QTRT2: variants seen among roughly 807,000 people sequenced by gnomAD.
The protein encoded by QTRT2 is queuine tRNA-ribosyltransferase domain containing 1.
QTRT2 carries 32 observed loss-of-function variants against 44.8 expected under a neutral mutation model. The observed-to-expected ratio is 0.71, with a 90% CI of 0.54 to 0.96. The LOEUF (loss-of-function observed/expected upper bound fraction) is 0.96, where lower values mean the gene tolerates loss of function less well. QTRT2 is among the 40% of genes least tolerant of loss of function. The pLI is 0.00. For synonymous variants in QTRT2, 182 were observed against 187.4 expected (o/e 0.97, Z 0.24); for missense variants, 461 against 503.1 (o/e 0.92, Z 0.80).
At chr3:114,060,542 AGAT>A (rs1260525718) in intron 2 of QTRT2, among the ~76,000 whole-genome samples, 20 of 146,192 alleles carry the variant, frequency 1.4e-4, no homozygotes, top group Admixed American at 6.7e-4. Context: ...ATAGATAGAT[AGAT>A]AAGATAGATT....
rs1043643401 is a variant in QTRT2 at position 114,086,277 on chromosome 3, A to T, written c.*373A>T. The T allele has an allele frequency of 1.1e-4, 32 of 283,368 alleles. No homozygotes were observed. Among genetic ancestry groups the T allele is most frequent in the Non-Finnish European group, 1.4e-5 (2 of 146,082 alleles). The allele number at this position is 283,368 out of a possible 1,614,324, so 17.6% of individuals were successfully genotyped here. The stretch of plus-strand genomic sequence containing the variant: ...TTGAGGCTTGAGGGGAAATGGTGTG[A>T]GACGAATGGGCTCTGGACATATGCC... On this transcript the variant is annotated 3_prime_UTR_variant, in exon 10 of 10. Coordinates refer to ENST00000281273, the MANE Select transcript of QTRT2 (RefSeq NM_024638.4).
intron 2 of QTRT2, among the ~76,000 whole-genome samples, chr3:114,062,202 C>CA (rs1310439941): frequency 6.6e-6 from 1 of 151,168 alleles, no homozygotes; most frequent in Non-Finnish European, 1.5e-5. Flanking sequence ...TCCATCTCTC[C>CA]AAAAAAAGTT....
At chr3:114,069,760 C>T (rs2077000608) in intron 5 of QTRT2, among the ~76,000 whole-genome samples, 1 of 152,134 alleles carries the variant, frequency 6.6e-6, no homozygotes, top group Non-Finnish European at 1.5e-5. Flanking sequence ...GGTATATGCC[C>T]AGTAACGGGA....
chr3:114,075,864 T>C (rs1341797503), intron 6 of QTRT2, among the ~76,000 whole-genome samples: 1 of 152,210 alleles, frequency 6.6e-6, no homozygotes, highest in Admixed American at 6.5e-5. Flanking sequence ...TAGGAAGGCA[T>C]TCCTTACCCC....
intron 6 of QTRT2, among the ~76,000 whole-genome samples, chr3:114,074,737 T>C (rs189201849): frequency 2.0e-5 from 3 of 152,348 alleles, no homozygotes; most frequent in Admixed American, 6.5e-5. Flanking sequence ...GCAAAACTTA[T>C]TTTTTGCAAT....
At chr3:114,082,948 C>T (rs2077186099) in intron 9 of QTRT2, 154 bp downstream of exon 9, 1 of 619,000 alleles carries the variant, frequency 1.6e-6, no homozygotes, top group Admixed American at 2.5e-5. Context: ...CAAAAAAACT[C>T]TTTATTTTCT....
At chr3:114,068,867 G>C (rs577312474) in intron 5 of QTRT2, among the ~76,000 whole-genome samples, 18 of 152,166 alleles carry the variant, frequency 1.2e-4, no homozygotes, top group Admixed American at 3.9e-4. Flanking sequence ...TGTCCAACAT[G>C]GCAAAACCCC....
chr3:114,064,957 CTTTCA>C (rs924436056), intron 2 of QTRT2, among the ~76,000 whole-genome samples: 2 of 152,030 alleles, frequency 1.3e-5, no homozygotes, highest in Non-Finnish European at 2.9e-5. Flanking sequence ...TAATTCTGTT[CTTTCA>C]TTTGTTTGGT....
At chr3:114,075,504 AT>A (rs34436490) in intron 6 of QTRT2, among the ~76,000 whole-genome samples, 5,756 of 118,702 alleles carry the variant, frequency 0.048, 260 homozygotes, top group African/African-American at 0.17. Flanking sequence ...AGTTTTACTG[AT>A]TTTTTTTTTT....
Position 114,079,934 on chromosome 3 carries a change from G to T in QTRT2, c.775G>T (p.Glu259Ter). ...RLISGVSRPD[E>*]VLECIERGVD... is the part of the protein sequence containing the mutation. The stretch of plus-strand genomic sequence containing the variant: ...CATATCTGGTGTTAGTCGGCCAGAT[G>T]AGGTGCTCGAGTGTATTGAAAGAGG... The change falls in exon 8 of 10, where the codon GAG (glutamate) becomes TAG (stop). Residue 259 changes from glutamate (E) to a stop codon, truncating the protein, a stop_gained. Transcript: ENST00000281273. LOFTEE classifies it high-confidence loss of function. The T allele has an allele frequency of 6.2e-7, 1 of 1,613,804 alleles. No individual in the cohort carries two copies. The highest frequency in any genetic ancestry group is 1.1e-5 in the South Asian group (1 of 91,050).
chr3:114,082,618 T>A, intron 8 of QTRT2, 59 bp from the exon 9 acceptor site: 1 of 617,084 alleles, frequency 1.6e-6, no homozygotes, highest in South Asian at 2.5e-5. Flanking sequence ...ATAAAATGTT[T>A]CCAATGGCCA....
At chr3:114,075,450 G>A (rs982927930) in intron 6 of QTRT2, among the ~76,000 whole-genome samples, 8 of 150,704 alleles carry the variant, frequency 5.3e-5, no homozygotes, top group Non-Finnish European at 8.9e-5. Flanking sequence ...CCTCCAAAGA[G>A]TAAGTTCTCC....
At chr3:114,073,541 G>A (rs113379675) in intron 6 of QTRT2, among the ~76,000 whole-genome samples, 2,971 of 152,002 alleles carry the variant, frequency 0.02, 85 homozygotes, top group East Asian at 0.08. Context: ...CACCACACCC[G>A]GCTAATTTCT....
At chr3:114,073,878 T>C (rs761691833) in intron 6 of QTRT2, among the ~76,000 whole-genome samples, 7 of 152,244 alleles carry the variant, frequency 4.6e-5, no homozygotes, top group Non-Finnish European at 7.3e-5. Flanking sequence ...TGTAACTCTC[T>C]GCTTTGTGTT....
At chr3:114,057,141 C>T in intron 2 of QTRT2, 35 bp downstream of exon 2, 1 of 1,173,800 alleles carries the variant, frequency 8.5e-7, no homozygotes, top group Non-Finnish European at 1.1e-6. Context: ...TCCGAACTGC[C>T]CATGGGAGGG....
chr3:114,057,474 T>A (rs2076815456), intron 2 of QTRT2: 1 of 152,246 alleles, frequency 6.6e-6, no homozygotes, highest in African/African-American at 2.4e-5. Flanking sequence ...TGAAGCATTC[T>A]GCCAGGAAAT....
At chr3:114,067,019 C>T (rs900852706) in intron 4 of QTRT2, among the ~76,000 whole-genome samples, 9 of 152,170 alleles carry the variant, frequency 5.9e-5, no homozygotes, top group East Asian at 1.9e-4. Flanking sequence ...TTCTATACAC[C>T]GCTTTCTCCT....
chr3:114,076,440 G>GGGATTACA (rs2077091549), intron 6 of QTRT2, among the ~76,000 whole-genome samples: 2 of 152,288 alleles, frequency 1.3e-5, no homozygotes, highest in Admixed American at 1.3e-4. Context: ...CCAAAGTGCT[G>GGGATTACA]GGATTACAGG....
chr3:114,059,705 C>T (rs2076857266), intron 2 of QTRT2, among the ~76,000 whole-genome samples: 1 of 152,178 alleles, frequency 6.6e-6, no homozygotes, highest in East Asian at 1.9e-4. Flanking sequence ...CCCCACAAAA[C>T]AGAATCACTG....
Sources: allele counts gnomAD v4.1 joint callset (sites outside exome capture counted in the v4.1 genomes callset), GRCh38; gene constraint gnomAD v4.1.1; transcripts MANE v1.5; gene names NCBI Gene and HGNC (gene_info 2026-07-23, HGNC 2026-07-21).